Variants in HTR1F observed in about 807,000 individuals in gnomAD.
The protein encoded by HTR1F is 5-hydroxytryptamine receptor 1F.
A neutral mutation model predicts 24.0 loss-of-function variants in HTR1F; 17 were observed. That is an observed-to-expected ratio of 0.71 (90% CI 0.48 to 1.06). HTR1F has a LOEUF of 1.06. Ranked by LOEUF, HTR1F falls within the 50% of genes least tolerant of loss-of-function variation. HTR1F has a pLI of 0.00. For synonymous variants in HTR1F, 186 were observed against 156.8 expected, an observed-to-expected ratio of 1.19 and a Z score of -1.39; for missense variants, 391 against 427.8, an observed-to-expected ratio of 0.91 and a Z score of 0.76.
intron 2 of HTR1F, among the ~76,000 whole-genome samples, chr3:87,916,055 G>T (rs1177422335): frequency 2.6e-5 from 4 of 152,036 alleles, no homozygotes; most frequent in Non-Finnish European, 4.4e-5. Flanking sequence ...CCTATCTTCA[G>T]CCTCCTCAAA....
At chr3:87,954,532 C>A (rs1303699718) in intron 2 of HTR1F, among the ~76,000 whole-genome samples, 5 of 151,528 alleles carry the variant, frequency 3.3e-5, no homozygotes, top group Non-Finnish European at 5.9e-5. Context: ...TGAACTTCAA[C>A]AATGTAAAAG....
intron 2 of HTR1F, among the ~76,000 whole-genome samples, chr3:87,857,015 T>A (rs1023725261): frequency 6.6e-6 from 1 of 152,138 alleles, no homozygotes; most frequent in Admixed American, 6.6e-5. Context: ...TTCCCCAGAC[T>A]TATTAGTGTT....
intron 2 of HTR1F, among the ~76,000 whole-genome samples, chr3:87,909,456 T>C (rs1225584452): frequency 2.0e-5 from 3 of 152,006 alleles, no homozygotes; most frequent in African/African-American, 7.2e-5. Flanking sequence ...CTGCTTAATA[T>C]AAAAGCAGAA....
At chr3:87,875,115 A>G (rs1320139347) in intron 2 of HTR1F, among the ~76,000 whole-genome samples, 2 of 152,170 alleles carry the variant, frequency 1.3e-5, no homozygotes, top group Non-Finnish European at 2.9e-5. Context: ...CAGGTTAACA[A>G]AAGCAAAAAT....
chr3:87,873,322 C>G (rs1575971898), intron 2 of HTR1F, among the ~76,000 whole-genome samples: 2 of 152,164 alleles, frequency 1.3e-5, no homozygotes, highest in South Asian at 2.1e-4. Flanking sequence ...GCTTAATAAC[C>G]ATGGGAGTGG....
intron 2 of HTR1F, among the ~76,000 whole-genome samples, chr3:87,933,827 C>T (rs1025784710): frequency 1.3e-5 from 2 of 152,154 alleles, no homozygotes; most frequent in Non-Finnish European, 2.9e-5. Flanking sequence ...TAAACTAACA[C>T]ATAAAGAGAT....
At chr3:87,852,938 T>A (rs1334410133) in intron 2 of HTR1F, among the ~76,000 whole-genome samples, 1 of 151,350 alleles carries the variant, frequency 6.6e-6, no homozygotes, top group East Asian at 1.9e-4. Context: ...TTCTATAATC[T>A]GACATGGTTT....
intron 2 of HTR1F, among the ~76,000 whole-genome samples, chr3:87,827,872 T>C (rs1704497201): frequency 6.6e-6 from 1 of 152,100 alleles, no homozygotes; most frequent in Non-Finnish European, 1.5e-5. Flanking sequence ...CTTGGAAAAA[T>C]GGCACCACAC....
intron 1 of HTR1F, among the ~76,000 whole-genome samples, chr3:87,797,646 C>G (rs1272132559): frequency 1.3e-5 from 2 of 149,648 alleles, no homozygotes; most frequent in Non-Finnish European, 3.0e-5. Context: ...AATAAAACTT[C>G]ACGCATGAAT....
rs183997981 is a variant in HTR1F at position 87,910,859 on chromosome 3, C to T, written c.-42-79849C>T. Among the ~76,000 whole-genome samples the T allele has an allele frequency of 4.6e-5, 7 of 152,126 alleles. No individual in the cohort carries two copies. In the South Asian group the frequency reaches 6.2e-4, roughly 14 times the overall value. ...AAATACATGGAAATTAAACAACCTGCTCCTGAATGACATTTGAGTAAATAA... is the reference window on the plus strand; with the variant it reads ...AAATACATGGAAATTAAACAACCTGTTCCTGAATGACATTTGAGTAAATAA... On this transcript the variant is annotated intron_variant, in intron 2 of 2. Transcript: ENST00000319595.
chr3:87,973,347 T>C (rs1705326759), intron 2 of HTR1F, among the ~76,000 whole-genome samples: 1 of 152,302 alleles, frequency 6.6e-6, no homozygotes. Context: ...TACCATACTC[T>C]TCCTGGTATT....
chr3:87,801,424 C>A (rs1277306699), intron 1 of HTR1F, among the ~76,000 whole-genome samples: 7 of 152,150 alleles, frequency 4.6e-5, no homozygotes, highest in Admixed American at 4.6e-4. Flanking sequence ...GTTAAGAGTG[C>A]ACCTGTGACA....
intron 2 of HTR1F, among the ~76,000 whole-genome samples, chr3:87,915,751 G>T (rs1703878863): frequency 6.6e-6 from 1 of 152,128 alleles, no homozygotes; most frequent in Admixed American, 6.5e-5. Context: ...TCCTGAGGAA[G>T]AAGAGAAATC....
At chr3:87,801,455 G>C (rs143948746) in intron 1 of HTR1F, among the ~76,000 whole-genome samples, 1 of 152,196 alleles carries the variant, frequency 6.6e-6, no homozygotes, top group Non-Finnish European at 1.5e-5. Flanking sequence ...AAGTCCTGAC[G>C]ACATGTGCCC....
At chr3:87,933,325 T>G (rs1483677016) in intron 2 of HTR1F, among the ~76,000 whole-genome samples, 2 of 150,748 alleles carry the variant, frequency 1.3e-5, no homozygotes, top group African/African-American at 4.9e-5. Flanking sequence ...ACCACTCCTA[T>G]TCAACATAGT....
At chr3:87,952,725 T>A (rs563056503) in intron 2 of HTR1F, among the ~76,000 whole-genome samples, 37 of 152,076 alleles carry the variant, frequency 2.4e-4, no homozygotes, top group East Asian at 7.7e-4. Context: ...GGAACTTTTT[T>A]AAAATATTTA....
chr3:87,810,389 A>T lies in HTR1F; in HGVS notation c.-159-11619A>T, dbSNP rs115451360. Among the ~76,000 whole-genome samples the T allele has an allele frequency of 3.8e-3, 584 of 152,202 alleles. 6 individuals carry two copies. Among genetic ancestry groups the T allele is most frequent in the African/African-American group, 0.014 (562 of 41,542 alleles). ...CAGTGCCTAATTTTATGCTTGGCCA[A>T]ATCACACATTTCTGGATGTCGGCGT... On this transcript the variant is annotated intron_variant, in intron 1 of 2. Coordinates refer to ENST00000319595, the MANE Select transcript of HTR1F (RefSeq NM_001322209.2).
chr3:87,958,307 TTTTTG>T (rs1168085258), intron 2 of HTR1F, among the ~76,000 whole-genome samples: 10 of 151,552 alleles, frequency 6.6e-5, no homozygotes, highest in Admixed American at 1.3e-4. Flanking sequence ...TTTGTTTTTG[TTTTTG>T]TTTTGTTTTG....
intron 1 of HTR1F, among the ~76,000 whole-genome samples, chr3:87,797,842 A>G (rs1703930648): frequency 1.3e-5 from 2 of 152,166 alleles, no homozygotes; most frequent in South Asian, 2.1e-4. Flanking sequence ...ATGAGGATAA[A>G]CTACACAGAA....
Sources: gnomAD v4.1 joint callset for allele counts (sites outside exome capture counted in the v4.1 genomes callset) on GRCh38, gnomAD v4.1.1 for gene constraint, MANE v1.5 for transcripts, NCBI Gene and HGNC (gene_info 2026-07-23, HGNC 2026-07-21) for gene names.